LRRC34: variants seen among roughly 807,000 people sequenced by gnomAD.
LRRC34 encodes the protein leucine rich repeat containing 34, also known as leucine-rich repeat-containing protein 34.
Under a neutral mutation model 48.5 loss-of-function variants are expected in LRRC34, and 44 were observed. That is an observed-to-expected ratio of 0.91 (90% CI 0.71 to 1.17). The LOEUF (loss-of-function observed/expected upper bound fraction) is 1.17. Ranked by LOEUF, LRRC34 falls within the 50% of genes most tolerant of loss-of-function variation. The pLI is 0.00. For synonymous variants in LRRC34, 192 were observed against 197.6 expected (o/e 0.97, Z 0.24); for missense variants, 502 against 563.0 (o/e 0.89, Z 1.10).
intron 5 of LRRC34, among the ~76,000 whole-genome samples, chr3:169,806,533 T>C (rs572996745): frequency 1.6e-4 from 24 of 152,198 alleles, no homozygotes; most frequent in African/African-American, 5.8e-4. Flanking sequence ...GGCTTTTCTT[T>C]TTGGGGTGAT....
At chr3:169,806,205 G>C (rs1278318467) in intron 5 of LRRC34, among the ~76,000 whole-genome samples, 1 of 152,164 alleles carries the variant, frequency 6.6e-6, no homozygotes, top group Admixed American at 6.6e-5. Flanking sequence ...TTAACAAATG[G>C]TGTTAGGACA....
chr3:169,803,981 C>G, intron 6 of LRRC34, 72 bp downstream of exon 6: 2 of 1,382,624 alleles, frequency 1.4e-6, no homozygotes, highest in Non-Finnish European at 1.9e-6. Context: ...ATTAATCATT[C>G]ATAAGACTCT....
rs780709046 is a variant in LRRC34, at chr3:169,804,182, C to A, written c.529-1G>T. The A allele has an allele frequency of 6.4e-7, 1 of 1,565,904 alleles. No homozygotes were observed. Among genetic ancestry groups the A allele is most frequent in the South Asian group, 1.2e-5 (1 of 82,888 alleles). ...TTAGGTATTTCAGAGTCCGATTCTT[C>A]TGAAAAGGAAAAAAAACTTATTTAA... On this transcript the variant is annotated splice_acceptor_variant, in intron 5 of 10. Transcript: ENST00000446859. LOFTEE classifies it high-confidence loss of function.
Position 169,796,333 on chromosome 3 carries a change from A to G in LRRC34, c.945T>C (p.Ala315=). The change falls in exon 9 of 11, where the codon GCT becomes GCC. Residue 315 remains alanine (A), a synonymous_variant. Transcript: ENST00000446859. ...KITHDGMVYL[A]DVLKSNTTLE... is the part of the protein sequence containing the mutation. ...GGGTAGTGTTGCTTTTCAGTACATC[A>G]GCCAAATACACCATTCCATCATGAG... The G allele has an allele frequency of 6.2e-7, 1 of 1,609,398 alleles. No homozygotes were observed.
At position 169,804,100 on chromosome 3, in the gene LRRC34, G is replaced by T. The variant is rs1779289166; in HGVS notation, c.610C>A (p.Gln204Lys). Reference sequence around the variant, plus strand: ...AATTTCTCTAATGATGAATTAATTTGCAGCATTGCAGCAAAAAACATTCCA... The same window carrying T: ...AATTTCTCTAATGATGAATTAATTTTCAGCATTGCAGCAAAAAACATTCCA... Reference protein sequence around the residue: ...KGGMFFAAMLQINSSLEKLDL... With the variant: ...KGGMFFAAMLKINSSLEKLDL... The change falls in exon 6 of 11, where the codon CAA becomes AAA. Residue 204 changes from glutamine to lysine, a missense_variant. By Grantham distance (53) the Gln-to-Lys change is moderately conservative. Coordinates refer to ENST00000446859, the MANE Select transcript of LRRC34 (RefSeq NM_001172779.2). 1 of 1,602,160 alleles carries T rather than the reference G, an allele frequency of 6.2e-7. No individual in the cohort carries two copies. The highest frequency in any genetic ancestry group is 1.1e-5 in the South Asian group (1 of 88,782).
At chr3:169,804,859 C>T (rs945256720) in intron 5 of LRRC34, among the ~76,000 whole-genome samples, 3 of 152,138 alleles carry the variant, frequency 2.0e-5, no homozygotes, top group African/African-American at 4.8e-5. Context: ...GCATTTAGTA[C>T]ATTCACAATA....
chr3:169,795,454 C>A, intron 10 of LRRC34, 31 bp downstream of exon 10: 1 of 1,573,636 alleles, frequency 6.4e-7, no homozygotes, highest in Non-Finnish European at 8.7e-7. Flanking sequence ...CCAGAAAAAG[C>A]CTTCAGTGAA....
chr3:169,796,608 A>G (rs1398134419), intron 8 of LRRC34, 137 bp downstream of exon 8: 1 of 1,015,660 alleles, frequency 9.8e-7, no homozygotes, highest in Non-Finnish European at 1.4e-6. Context: ...AAAGCTTAGG[A>G]CAAAGGATTG....
At position 169,812,392 on chromosome 3, in the gene LRRC34, G is replaced by A. The variant is rs1779620629; in HGVS notation, c.139+18C>T. ...TTTGTCTGGGCCAGGCCGCGCAGAC[G>A]TGCTCCCTACTTCTTACCGCGCTGG... On this transcript the variant is annotated intron_variant, in intron 1 of 10. Coordinates refer to ENST00000446859, the MANE Select transcript of LRRC34 (RefSeq NM_001172779.2). This position sits in a 1 kb window ranked among gnomAD's most constrained non-coding sequence, Gnocchi z 4.3. 3 of 1,524,212 alleles carry A rather than the reference G, an allele frequency of 2.0e-6. No homozygotes were observed. Among genetic ancestry groups the A allele is most frequent in the Non-Finnish European group, 1.8e-6 (2 of 1,142,762 alleles). The allele number at this position is 1,524,212 out of a possible 1,614,324, so 94.4% of individuals were successfully genotyped here.
intron 7 of LRRC34, among the ~76,000 whole-genome samples, chr3:169,799,885 G>T (rs1308482522): frequency 6.6e-6 from 1 of 151,926 alleles, no homozygotes; most frequent in East Asian, 1.9e-4. Flanking sequence ...GCTAATTTTT[G>T]TACTTTTAGT....
intron 5 of LRRC34, among the ~76,000 whole-genome samples, chr3:169,806,196 T>C (rs1779365595): frequency 6.6e-6 from 1 of 151,980 alleles, no homozygotes; most frequent in Non-Finnish European, 1.5e-5. Context: ...AATAGTCTTT[T>C]AACAAATGGT....
chr3:169,800,786 A>G, intron 6 of LRRC34, 32 bp from the exon 7 acceptor site: 2 of 1,293,300 alleles, frequency 1.5e-6, no homozygotes, highest in South Asian at 1.3e-5. Flanking sequence ...AAGGAAACAG[A>G]CAAAGTATAT....
intron 2 of LRRC34, chr3:169,807,946 ACACACT>A: frequency 6.6e-6 from 3 of 453,602 alleles, no homozygotes; most frequent in East Asian, 3.9e-5. Context: ...GCTCTCTCAC[ACACACT>A]CACACTCACA....
intron 1 of LRRC34, 98 bp from the exon 2 acceptor site, chr3:169,808,843 G>A (rs909994858): frequency 3.0e-6 from 2 of 664,744 alleles, no homozygotes; most frequent in East Asian, 5.7e-5. Flanking sequence ...AGTTGTATGT[G>A]TGTATAGTGG....
chr3:169,810,238 C>T (rs1012032612), intron 1 of LRRC34, among the ~76,000 whole-genome samples: 2 of 151,734 alleles, frequency 1.3e-5, no homozygotes, highest in Admixed American at 6.6e-5. Context: ...TGAGCCCGAC[C>T]GGAAATTTCT....
At chr3:169,808,411 CTTGGGT>C (rs1431698269) in intron 2 of LRRC34, among the ~76,000 whole-genome samples, 2 of 151,638 alleles carry the variant, frequency 1.3e-5, no homozygotes, top group Non-Finnish European at 2.9e-5. Flanking sequence ...GGAGCCCAAG[CTTGGGT>C]ACTCCTGGTC....
chr3:169,809,102 C>T (rs1200338648), intron 1 of LRRC34, among the ~76,000 whole-genome samples: 1 of 151,844 alleles, frequency 6.6e-6, no homozygotes. Context: ...TATATTTTGT[C>T]CAAAACCATG....
Position 169,808,704 on chromosome 3 carries a change from A to G in LRRC34, c.181T>C (p.Cys61Arg). 1 of 1,596,162 alleles carries G rather than the reference A, an allele frequency of 6.3e-7. No homozygotes were observed. The highest frequency in any genetic ancestry group is 8.6e-7 in the Non-Finnish European group (1 of 1,166,132). ...SGLQKHYSNL[C>R]MEKSQKINPF... ...TTAATTTTCTGGGATTTTTCCATAC[A>G]CAGATTAGAATAATGTTTCTGGAGA... is the stretch of plus-strand genomic sequence containing the variant. Residue 61 changes from cysteine (C) to arginine (R), a missense_variant, in exon 2 of 11, where the codon TGT becomes CGT. Physicochemically the swap from Cys to Arg is radical, Grantham distance 180. Coordinates refer to ENST00000446859, the MANE Select transcript of LRRC34 (RefSeq NM_001172779.2).
At chr3:169,803,688 T>C (rs1779272394) in intron 6 of LRRC34, among the ~76,000 whole-genome samples, 1 of 152,190 alleles carries the variant, frequency 6.6e-6, no homozygotes, top group Non-Finnish European at 1.5e-5. Context: ...TGCCTCAGCC[T>C]CCCAAAGTGC....
Sources: allele counts gnomAD v4.1 joint callset (sites outside exome capture counted in the v4.1 genomes callset), GRCh38; gene constraint gnomAD v4.1.1; non-coding constraint Gnocchi (gnomAD v3.1); transcripts MANE v1.5; gene names NCBI Gene and HGNC (gene_info 2026-07-23, HGNC 2026-07-21).